The following CSMD1 variants were observed in gnomAD, a reference collection of about 807,000 sequenced individuals.
CSMD1 encodes the protein CUB and Sushi multiple domains 1, also known as CUB and sushi domain-containing protein 1.
Under a neutral mutation model 417.5 loss-of-function variants are expected in CSMD1, and 213 were observed. The observed-to-expected ratio is 0.51, with a 90% confidence interval of 0.46 to 0.57. CSMD1 has a LOEUF of 0.57. CSMD1 is among the 20% of genes least tolerant of loss of function. The pLI is 0.00. For synonymous variants in CSMD1, 2,862 were observed against 1,736.8 expected, an observed-to-expected ratio of 1.65 and a Z score of -16.11; for missense variants, 6,923 against 4,529.7, an observed-to-expected ratio of 1.53 and a Z score of -15.17.
intron 1 of CSMD1, among the ~76,000 whole-genome samples, chr8:4,643,222 T>A (rs936222266): frequency 6.6e-6 from 1 of 152,210 alleles, no homozygotes; most frequent in Non-Finnish European, 1.5e-5. Flanking sequence ...TAAAACAACA[T>A]CATTGGTGGA....
intron 4 of CSMD1, among the ~76,000 whole-genome samples, chr8:4,002,219 GTGT>G (rs1563305404): frequency 1.0e-3 from 143 of 142,852 alleles, no homozygotes; most frequent in Admixed American, 2.2e-3. Context: ...GTGTGTGTGA[GTGT>G]GTGTGCATGT....
intron 2 of CSMD1, among the ~76,000 whole-genome samples, chr8:4,588,422 T>G (rs2617078): frequency 0.36 from 54,577 of 149,774 alleles, 10,129 homozygotes; most frequent in South Asian, 0.43. Context: ...AACTATCTCT[T>G]CCTCTAGATA....
chr8:4,981,295 G>C (rs1810875661), intron 1 of CSMD1, among the ~76,000 whole-genome samples: 1 of 152,196 alleles, frequency 6.6e-6, no homozygotes, highest in Non-Finnish European at 1.5e-5. Flanking sequence ...TATGAGAGAG[G>C]GGGCTACAGT....
At chr8:4,554,736 G>T (rs11136750) in intron 2 of CSMD1, among the ~76,000 whole-genome samples, 92,495 of 152,032 alleles carry the variant, frequency 0.61, 28,326 homozygotes, top group Admixed American at 0.69. Context: ...TTGTAGTGAT[G>T]TATTCGAACT....
At chr8:4,515,509 G>A (rs866711892) in intron 2 of CSMD1, among the ~76,000 whole-genome samples, 14 of 152,082 alleles carry the variant, frequency 9.2e-5, no homozygotes, top group South Asian at 6.2e-4. Flanking sequence ...GAAATACACG[G>A]TTTTATTAAA....
At chr8:3,366,812 T>G (rs534245564) in intron 20 of CSMD1, among the ~76,000 whole-genome samples, 1 of 152,168 alleles carries the variant, frequency 6.6e-6, no homozygotes, top group African/African-American at 2.4e-5. Context: ...ACAAATTGTG[T>G]AACACAAAGT....
chr8:3,129,391 T>C (rs1309685137), intron 41 of CSMD1, among the ~76,000 whole-genome samples: 3 of 152,214 alleles, frequency 2.0e-5, no homozygotes, highest in Non-Finnish European at 4.4e-5. Flanking sequence ...AGACCATTAT[T>C]ACAGATTGAA....
intron 10 of CSMD1, among the ~76,000 whole-genome samples, chr8:3,554,713 T>G (rs1394001480): frequency 6.6e-6 from 1 of 152,172 alleles, no homozygotes; most frequent in South Asian, 2.1e-4. Flanking sequence ...TTAATCAGAA[T>G]GTTGAGAGCT....
intron 1 of CSMD1, among the ~76,000 whole-genome samples, chr8:4,735,276 T>C (rs1439306334): frequency 6.6e-6 from 1 of 152,194 alleles, no homozygotes; most frequent in Non-Finnish European, 1.5e-5. Context: ...TCTTCTCATT[T>C]AGATTTCACT....
At chr8:3,905,340 A>G (rs559510236) in intron 5 of CSMD1, among the ~76,000 whole-genome samples, 3 of 152,222 alleles carry the variant, frequency 2.0e-5, no homozygotes, top group African/African-American at 4.8e-5. Context: ...AATCCAACAT[A>G]AAAGTTGATC....
intron 1 of CSMD1, among the ~76,000 whole-genome samples, chr8:4,654,855 T>A (rs1304632691): frequency 6.6e-6 from 1 of 152,112 alleles, no homozygotes; most frequent in East Asian, 1.9e-4. Context: ...AAATAATGAT[T>A]TATTTGGAAA....
intron 1 of CSMD1, among the ~76,000 whole-genome samples, chr8:4,836,273 A>C (rs746383589): frequency 1.3e-5 from 2 of 152,200 alleles, no homozygotes; most frequent in African/African-American, 2.4e-5. Context: ...CGTGAAGACT[A>C]ATTTTCACTA....
At chr8:4,640,498 T>G (rs769575463) in intron 1 of CSMD1, among the ~76,000 whole-genome samples, 4 of 152,310 alleles carry the variant, frequency 2.6e-5, no homozygotes, top group South Asian at 2.1e-4. Flanking sequence ...AAAGCTAATA[T>G]GGTAGTCCTC....
At chr8:4,844,243 CCAGCTAAAA>C (rs1474194721) in intron 1 of CSMD1, among the ~76,000 whole-genome samples, 1 of 152,130 alleles carries the variant, frequency 6.6e-6, no homozygotes, top group Non-Finnish European at 1.5e-5. Context: ...GTTACATTTT[CCAGCTAAAA>C]CTAGCATTTG....
intron 1 of CSMD1, among the ~76,000 whole-genome samples, chr8:4,924,550 C>T (rs540454451): frequency 1.4e-4 from 21 of 151,846 alleles, no homozygotes; most frequent in Non-Finnish European, 2.4e-4. Flanking sequence ...TGGCAAAACC[C>T]GTCTCTACTA....
At chr8:4,921,509 T>G (rs756917362) in intron 1 of CSMD1, among the ~76,000 whole-genome samples, 2 of 152,246 alleles carry the variant, frequency 1.3e-5, no homozygotes, top group Non-Finnish European at 2.9e-5. Context: ...GTTTGTGATG[T>G]TGGAATCACT....
At chr8:4,958,726 T>C (rs1417292608) in intron 1 of CSMD1, among the ~76,000 whole-genome samples, 5 of 152,104 alleles carry the variant, frequency 3.3e-5, no homozygotes, top group Non-Finnish European at 5.9e-5. Context: ...AATAAATAAA[T>C]GAAGCTTTTA....
At chr8:4,571,339 G>T (rs192377969) in intron 2 of CSMD1, among the ~76,000 whole-genome samples, 9 of 152,272 alleles carry the variant, frequency 5.9e-5, no homozygotes, top group Middle Eastern at 3.4e-3. Context: ...CTGGTACATT[G>T]TGTCTTTGTT....
chr8:3,249,454 C>T lies in CSMD1; in HGVS notation c.4154-19223G>A, dbSNP rs151184217. ...GGCCAGGCTGGCCTTGAACTCCTGA[C>T]CTTGGGTGATCCGCCCACCTTGGCC... On this transcript the variant is annotated intron_variant, in intron 26 of 69. Coordinates refer to ENST00000635120, the MANE Select transcript of CSMD1 (RefSeq NM_033225.6). Among the ~76,000 whole-genome samples, 646 of 152,214 alleles carry T rather than the reference C, an allele frequency of 4.2e-3. 11 individuals carry two copies. Among genetic ancestry groups the T allele is most frequent in the South Asian group, 7.3e-3 (35 of 4,820 alleles).
Sources: allele counts gnomAD v4.1 joint callset (sites outside exome capture counted in the v4.1 genomes callset), GRCh38; gene constraint gnomAD v4.1.1; transcripts MANE v1.5; gene names NCBI Gene and HGNC (gene_info 2026-07-23, HGNC 2026-07-21).